Variants in ZHX2 observed in about 807,000 individuals in gnomAD.
ZHX2 encodes zinc fingers and homeoboxes protein 2.
Under a neutral mutation model 21.9 loss-of-function variants are expected in ZHX2, and 6 were observed. The observed-to-expected ratio is 0.27, with a 90% CI of 0.15 to 0.54. The LOEUF (loss-of-function observed/expected upper bound fraction) is 0.54, where lower values mean the gene tolerates loss of function less well. Among genes scored for constraint, ZHX2 ranks in the 20% least tolerant of loss-of-function variants. The pLI is 0.95. For missense variants in ZHX2, 908 were observed against 1,090.7 expected (o/e 0.83, Z 2.36); for synonymous variants, 434 against 437.1 (o/e 0.99, Z 0.09).
chr8:122,927,276 C>T (rs1432471876), intron 2 of ZHX2, among the ~76,000 whole-genome samples: 4 of 152,198 alleles, frequency 2.6e-5, no homozygotes, highest in African/African-American at 7.2e-5. Flanking sequence ...AGGCAGATCA[C>T]TTGAGGTCAG....
intron 3 of ZHX2, among the ~76,000 whole-genome samples, chr8:122,972,502 T>A (rs955985604): frequency 7.2e-5 from 11 of 152,228 alleles, no homozygotes; most frequent in African/African-American, 2.2e-4. Context: ...TAGGCCCCTA[T>A]ATGTTCAGTT....
At chr8:122,781,098 T>C (rs562277141), upstream of ZHX2, 15 of 152,316 alleles carry the variant, frequency 9.8e-5, no homozygotes, top group Admixed American at 7.2e-4. The surrounding 1 kb of genome is among the most constrained non-coding windows in gnomAD (Gnocchi z 4.6). Context: ...TTATTATTAT[T>C]TTCCTGAGCC....
rs575326159 is a variant in ZHX2, at chr8:122,886,176, A to G, written c.-220+22637A>G. Among the ~76,000 whole-genome samples, 18 of 152,378 alleles carry G rather than the reference A, an allele frequency of 1.2e-4. No homozygotes were observed. The South Asian group carries it at 3.1e-3, about 26-fold the overall frequency. On this transcript the variant is annotated intron_variant, in intron 2 of 3. Coordinates refer to ENST00000314393, the MANE Select transcript of ZHX2 (RefSeq NM_014943.5). Reference sequence around the variant, plus strand: ...AAAGAAATGAGCTATCAAGCCAAGAAAAGACACGGAGAAACCTTCAATGCA... The same window carrying G: ...AAAGAAATGAGCTATCAAGCCAAGAGAAGACACGGAGAAACCTTCAATGCA...
intron 1 of ZHX2, among the ~76,000 whole-genome samples, chr8:122,784,805 G>C (rs1817360722): frequency 6.6e-6 from 1 of 152,200 alleles, no homozygotes; most frequent in Non-Finnish European, 1.5e-5. Flanking sequence ...CACAAGCCCA[G>C]GTAAGTTAGC....
chr8:122,955,406 C>A (rs928681977), intron 3 of ZHX2, among the ~76,000 whole-genome samples: 11 of 152,110 alleles, frequency 7.2e-5, no homozygotes, highest in African/African-American at 2.4e-4. Flanking sequence ...TTGATAAGGT[C>A]CCAAAGGCAG....
intron 1 of ZHX2, among the ~76,000 whole-genome samples, chr8:122,806,396 C>A (rs1241739389): frequency 1.3e-5 from 2 of 152,186 alleles, no homozygotes; most frequent in African/African-American, 4.8e-5. Context: ...AAAGTCATCA[C>A]AAGTTTTATA....
rs544597728 is a variant in ZHX2 at position 122,926,398 on chromosome 8, G to A, written c.-219-24894G>A. Among the ~76,000 whole-genome samples, 4 of 152,278 alleles carry A rather than the reference G, an allele frequency of 2.6e-5. No individual in the cohort carries two copies. The South Asian group carries it at 6.2e-4, about 24-fold the overall frequency. ...TAAAGGCTATGTCCTGCACTAGGTA[G>A]TAAACTCTCTGAGTATAGGGATTGT... On this transcript the variant is annotated intron_variant, in intron 2 of 3. Coordinates refer to ENST00000314393, the MANE Select transcript of ZHX2 (RefSeq NM_014943.5).
At chr8:122,929,904 C>T (rs1014087003) in intron 2 of ZHX2, among the ~76,000 whole-genome samples, 9 of 152,262 alleles carry the variant, frequency 5.9e-5, no homozygotes, top group African/African-American at 2.2e-4. Context: ...TAATGGGGAG[C>T]CACAGGGGCC....
At chr8:122,824,103 G>A in intron 1 of ZHX2, among the ~76,000 whole-genome samples, 1 of 151,928 alleles carries the variant, frequency 6.6e-6, no homozygotes, top group African/African-American at 2.4e-5. Flanking sequence ...TTTCTTTCAT[G>A]CCTGTCTCAT....
At position 122,952,583 on chromosome 8, in the gene ZHX2, C is replaced by T. The variant is rs557853133; in HGVS notation, c.1073C>T (p.Thr358Met). The T allele has an allele frequency of 2.4e-5, 38 of 1,614,202 alleles. No homozygotes were observed. Among genetic ancestry groups the T allele is most frequent in the African/African-American group, 4.0e-5 (3 of 75,052 alleles). ...LPAQLAPTKVTQPILQTALPC... is the reference protein window; with the variant it reads ...LPAQLAPTKVMQPILQTALPC... ...GCCCAGTTGGCCCCCACAAAGGTGA[C>T]GCAGCCCATCCTCCAGACGGCTCTA... Residue 358 changes from threonine (T) to methionine (M), a missense_variant, in exon 3 of 4, where the codon ACG becomes ATG. By Grantham distance (81) the Thr-to-Met change is moderately conservative (BLOSUM62 -1). This residue lies in a region of ZHX2 where 232 missense variants were observed against 361.8 expected (regional missense o/e 0.64). Coordinates refer to ENST00000314393, the MANE Select transcript of ZHX2 (RefSeq NM_014943.5). This position sits in a 1 kb window ranked among gnomAD's most constrained non-coding sequence, Gnocchi z 6.9.
At chr8:122,780,384 C>G (rs1817252575), upstream of ZHX2, 1 of 152,406 alleles carries the variant, frequency 6.6e-6, no homozygotes, top group African/African-American at 2.4e-5. Context: ...CCTTTGTTTT[C>G]TCGCTGCGCT....
intron 2 of ZHX2, among the ~76,000 whole-genome samples, chr8:122,903,953 G>A (rs1820289352): frequency 1.3e-5 from 2 of 152,034 alleles, no homozygotes; most frequent in African/African-American, 4.8e-5. Flanking sequence ...TAAAAACCTT[G>A]GGCATTATTT....
chr8:122,872,114 A>G (rs190534740), intron 2 of ZHX2, among the ~76,000 whole-genome samples: 7 of 152,320 alleles, frequency 4.6e-5, no homozygotes, highest in African/African-American at 1.7e-4. Context: ...CGCATCCTTC[A>G]GGTCTGCAGG....
intron 1 of ZHX2, among the ~76,000 whole-genome samples, chr8:122,825,926 T>C (rs956727100): frequency 2.0e-5 from 3 of 152,142 alleles, no homozygotes; most frequent in African/African-American, 7.2e-5. Context: ...TATCCCCTGC[T>C]CTCCAGGAGG....
In ZHX2 at chr8:122,920,422, C is replaced by T. The variant is rs1178871068; in HGVS notation, c.-219-30870C>T. On this transcript the variant is annotated intron_variant, in intron 2 of 3. Transcript: ENST00000314393. The stretch of plus-strand genomic sequence containing the variant: ...ATAATTTACATACAATGAAATTACA[C>T]TTTTAGTGTACAATTCTATGAGTTT... 2.0e-5 allele frequency among the ~76,000 whole-genome samples: 3 copies of T among 151,966 alleles called. No individual in the cohort carries two copies. The East Asian group carries it at 5.8e-4, about 29-fold the overall frequency.
At chr8:122,805,872 G>T (rs1817812757) in intron 1 of ZHX2, among the ~76,000 whole-genome samples, 1 of 151,782 alleles carries the variant, frequency 6.6e-6, no homozygotes. Flanking sequence ...TGTAGGTCCT[G>T]GAAAAAAAAG....
intron 1 of ZHX2, among the ~76,000 whole-genome samples, chr8:122,795,601 G>T (rs541105853): frequency 6.6e-6 from 1 of 151,760 alleles, no homozygotes; most frequent in Non-Finnish European, 1.5e-5. Context: ...TTTAATGGTG[G>T]TAGGAAGGCA....
intron 2 of ZHX2, among the ~76,000 whole-genome samples, chr8:122,893,196 T>C (rs1038636617): frequency 5.3e-5 from 8 of 152,224 alleles, no homozygotes. Flanking sequence ...CTGAAAAATA[T>C]GGTGTTAGTC....
At chr8:122,955,753 C>A (rs1214825073) in intron 3 of ZHX2, among the ~76,000 whole-genome samples, 1 of 151,968 alleles carries the variant, frequency 6.6e-6, no homozygotes, top group Admixed American at 6.6e-5. Flanking sequence ...AACTTCCCAC[C>A]TCTACCTGGC....
Sources: gnomAD v4.1 joint callset for allele counts (sites outside exome capture counted in the v4.1 genomes callset) on GRCh38, gnomAD v4.1.1 for gene constraint, gnomAD v4.1.1 regional missense constraint, Gnocchi (gnomAD v3.1) non-coding constraint, MANE v1.5 for transcripts, NCBI Gene and HGNC (gene_info 2026-07-23, HGNC 2026-07-21) for gene names.